The following COP1 variants were observed in gnomAD, a reference collection of about 807,000 sequenced individuals.
COP1 encodes E3 ubiquitin-protein ligase COP1.
A neutral mutation model predicts 101.3 loss-of-function variants in COP1; 24 were observed. That is an observed-to-expected ratio of 0.24 (90% confidence interval 0.17 to 0.33). The LOEUF is 0.33. Among genes scored for constraint, COP1 ranks in the 10% least tolerant of loss-of-function variants. The pLI is 1.00. For synonymous variants in COP1, 347 were observed against 341.9 expected, an observed-to-expected ratio of 1.01 and a Z score of -0.17; for missense variants, 663 against 906.2, an observed-to-expected ratio of 0.73 and a Z score of 3.45.
At chr1:176,110,197 C>T (rs1448122599) in intron 9 of COP1, among the ~76,000 whole-genome samples, 1 of 152,180 alleles carries the variant, frequency 6.6e-6, no homozygotes, top group Non-Finnish European at 1.5e-5. Flanking sequence ...CAATAAATAA[C>T]ATATATCCTT....
At chr1:176,079,975 T>C (rs1202990481) in intron 11 of COP1, among the ~76,000 whole-genome samples, 1 of 151,444 alleles carries the variant, frequency 6.6e-6, no homozygotes, top group Non-Finnish European at 1.5e-5. Context: ...CTAGGCAGCA[T>C]AATGAGACCC....
intron 1 of COP1, chr1:176,206,278 T>G: frequency 2.4e-6 from 1 of 412,656 alleles, no homozygotes; most frequent in Non-Finnish European, 4.3e-6. Flanking sequence ...AAACCATTTA[T>G]TTGACCTTCC....
intron 11 of COP1, among the ~76,000 whole-genome samples, chr1:176,053,982 T>C (rs1673009207): frequency 1.3e-5 from 2 of 152,182 alleles, no homozygotes; most frequent in African/African-American, 4.8e-5. Context: ...AACCATGTTC[T>C]CTGGTCTCAT....
intron 11 of COP1, among the ~76,000 whole-genome samples, chr1:176,065,268 TCAGA>T (rs985453350): frequency 2.4e-4 from 37 of 152,284 alleles, no homozygotes; most frequent in African/African-American, 8.7e-4. Flanking sequence ...AGAAATTAAC[TCAGA>T]CAAAGGGGAA....
chr1:176,008,469 TTC>T (rs1324156636), intron 15 of COP1, among the ~76,000 whole-genome samples: 2 of 152,228 alleles, frequency 1.3e-5, no homozygotes, highest in Non-Finnish European at 2.9e-5. Flanking sequence ...TTGTTTTTAT[TTC>T]TTTTTGTTAA....
At chr1:176,092,220 G>A (rs1047665982) in intron 9 of COP1, among the ~76,000 whole-genome samples, 1 of 152,034 alleles carries the variant, frequency 6.6e-6, no homozygotes, top group Non-Finnish European at 1.5e-5. Flanking sequence ...TGAATATATA[G>A]AAAACACTGT....
chr1:176,084,632 G>T (rs886841768), intron 10 of COP1, among the ~76,000 whole-genome samples: 3 of 152,126 alleles, frequency 2.0e-5, no homozygotes, highest in African/African-American at 7.2e-5. Flanking sequence ...CATAAAAACT[G>T]TTTGTTGTTA....
intron 9 of COP1, among the ~76,000 whole-genome samples, chr1:176,094,435 C>T (rs780246598): frequency 2.0e-5 from 3 of 151,530 alleles, no homozygotes; most frequent in Non-Finnish European, 4.4e-5. Context: ...TTTGAAAATA[C>T]ATATTGGATG....
At chr1:176,086,743 G>C (rs1469636520) in intron 9 of COP1, among the ~76,000 whole-genome samples, 1 of 152,056 alleles carries the variant, frequency 6.6e-6, no homozygotes, top group Non-Finnish European at 1.5e-5. Flanking sequence ...TTTCTTCACA[G>C]AACTGGCAAA....
intron 10 of COP1, among the ~76,000 whole-genome samples, chr1:176,082,873 G>A (rs988098174): frequency 2.6e-5 from 4 of 151,904 alleles, no homozygotes; most frequent in Non-Finnish European, 5.9e-5. Flanking sequence ...AACTGAGTGA[G>A]CTTTTGTCCC....
At chr1:176,124,080 T>C (rs1687595498) in intron 8 of COP1, among the ~76,000 whole-genome samples, 2 of 152,316 alleles carry the variant, frequency 1.3e-5, no homozygotes, top group South Asian at 4.1e-4. Flanking sequence ...TTTATCATCA[T>C]CATCAAGCAG....
chr1:176,126,143 A>G (rs1687947841), intron 8 of COP1, among the ~76,000 whole-genome samples: 1 of 152,194 alleles, frequency 6.6e-6, no homozygotes, highest in South Asian at 2.1e-4. Context: ...TTTTCCAAAT[A>G]TAAGATCACA....
At chr1:175,992,417 C>T (rs181543452) in intron 15 of COP1, among the ~76,000 whole-genome samples, 1,771 of 152,222 alleles carry the variant, frequency 0.012, 33 homozygotes, top group African/African-American at 0.037. Context: ...TGCAGCGCAC[C>T]GTGCGCGAGC....
At chr1:176,111,179 T>C (rs1225972295) in intron 9 of COP1, among the ~76,000 whole-genome samples, 1 of 152,116 alleles carries the variant, frequency 6.6e-6, no homozygotes, top group Non-Finnish European at 1.5e-5. Flanking sequence ...ATAATAACAG[T>C]ATTTATCTCA....
rs1700928881 is a variant in COP1, at chr1:176,206,949, G to A, written c.30C>T (p.Gly10=). 3.5e-6 allele frequency: 5 copies of A among 1,441,694 alleles called. No homozygotes were observed. The South Asian group carries it at 4.0e-5, about 12-fold the overall frequency. 89.3% of individuals were successfully genotyped at this position (1,441,694 alleles called of 1,614,324 possible). The change falls in exon 1 of 20, where the codon GGC becomes GGT. Residue 10 remains glycine, a synonymous_variant. Coordinates refer to ENST00000367669, the MANE Select transcript of COP1 (RefSeq NM_022457.7). Reference sequence around the variant, plus strand: ...AGGACCCGGGGCTTGTCCCAGCGGAGCCCGACCCGGCCTGGCGGCTACCAG... The same window carrying A: ...AGGACCCGGGGCTTGTCCCAGCGGAACCCGACCCGGCCTGGCGGCTACCAG... MSGSRQAGS[G]SAGTSPGSSA...
chr1:176,188,090 C>T (rs774194923), intron 1 of COP1, among the ~76,000 whole-genome samples: 6 of 151,940 alleles, frequency 3.9e-5, no homozygotes, highest in African/African-American at 7.3e-5. Flanking sequence ...ACATAAAAAC[C>T]TCCCCATGTT....
chr1:176,203,697 T>A (rs61822663), intron 1 of COP1, among the ~76,000 whole-genome samples: 10,248 of 152,296 alleles, frequency 0.067, 427 homozygotes, highest in Middle Eastern at 0.12. Context: ...GTTAAAATTA[T>A]TCAACTTGAT....
intron 5 of COP1, among the ~76,000 whole-genome samples, chr1:176,157,151 G>A (rs754579264): frequency 1.6e-4 from 24 of 152,066 alleles, no homozygotes; most frequent in Admixed American, 2.6e-4. Context: ...CAGAGATCAC[G>A]CCACTGCACT....
chr1:175,989,338 A>G (rs372372343), intron 16 of COP1, 24 bp downstream of exon 16: 10 of 1,218,884 alleles, frequency 8.2e-6, no homozygotes, highest in East Asian at 7.0e-5. Flanking sequence ...ATTAAGCTCA[A>G]CCTCTGAGGA....
Sources: gnomAD v4.1 joint callset for allele counts (sites outside exome capture counted in the v4.1 genomes callset) on GRCh38, gnomAD v4.1.1 for gene constraint, MANE v1.5 for transcripts, NCBI Gene and HGNC (gene_info 2026-07-23, HGNC 2026-07-21) for gene names.